FLT3: variants seen among roughly 807,000 people sequenced by gnomAD.
FLT3 encodes fms related receptor tyrosine kinase 3.
Under a neutral mutation model 126.6 loss-of-function variants are expected in FLT3, and 46 were observed. That is an observed-to-expected ratio of 0.36 (90% confidence interval 0.29 to 0.46). The LOEUF (loss-of-function observed/expected upper bound fraction) is 0.46, where lower values mean the gene tolerates loss of function less well. FLT3 is among the 20% of genes least tolerant of loss of function. The probability of loss-of-function intolerance (pLI) is 1.00; values close to 1 mark genes in which losing one functional copy is unlikely to be tolerated. For missense variants in FLT3, 1,069 were observed against 1,190.3 expected, an observed-to-expected ratio of 0.90 and a Z score of 1.50; for synonymous variants, 404 against 434.4, an observed-to-expected ratio of 0.93 and a Z score of 0.87.
chr13:28,081,025 T>C (rs1382807647), intron 1 of FLT3, among the ~76,000 whole-genome samples: 1 of 152,220 alleles, frequency 6.6e-6, no homozygotes, highest in East Asian at 1.9e-4. Context: ...CCACATTGTC[T>C]TGGTTACTAC....
intron 19 of FLT3, 30 bp downstream of exon 19, chr13:28,023,320 T>G: frequency 1.3e-6 from 2 of 1,585,738 alleles, no homozygotes; most frequent in Non-Finnish European, 1.7e-6. Context: ...ATCTTTTTTT[T>G]GGTTTGTTTT....
intron 3 of FLT3, among the ~76,000 whole-genome samples, chr13:28,058,233 G>A (rs1433880033): frequency 5.5e-5 from 5 of 90,530 alleles, no homozygotes; most frequent in Non-Finnish European, 1.3e-4. Flanking sequence ...AAAAAAAAAC[G>A]GCCAGGTACA....
Position 28,037,250 on chromosome 13 carries a change from T to A in FLT3, c.1244A>T (p.Glu415Val). 6.2e-7 allele frequency: 1 copy of A among 1,612,472 alleles called. No individual in the cohort carries two copies. Among genetic ancestry groups the A allele is most frequent in the Non-Finnish European group, 8.5e-7 (1 of 1,178,582 alleles). ...ATCATTTTCTGCATGGAATATATAT[T>A]CTCCTGGCTGGTGCTTATGATTGCA... Reference protein sequence around the residue: ...KFCNHKHQPGEYIFHAENDDA... With the variant: ...KFCNHKHQPGVYIFHAENDDA... Residue 415 changes from glutamate to valine, a missense_variant, in exon 10 of 24, where the codon GAA becomes GTA. Physicochemically the swap from Glu to Val is moderately radical, Grantham distance 121 (BLOSUM62 -2). Coordinates refer to ENST00000241453, the MANE Select transcript of FLT3 (RefSeq NM_004119.3).
At chr13:28,006,186 T>G (rs1442680652) in intron 23 of FLT3, among the ~76,000 whole-genome samples, 1 of 152,166 alleles carries the variant, frequency 6.6e-6, no homozygotes, top group East Asian at 1.9e-4. Flanking sequence ...TATTTAAATT[T>G]TATAGATTTG....
chr13:28,064,429 C>T (rs7331012), intron 2 of FLT3, among the ~76,000 whole-genome samples: 4,149 of 151,928 alleles, frequency 0.027, 178 homozygotes, highest in African/African-American at 0.094. Flanking sequence ...AAAAATTAGC[C>T]GAGTGTGGTG....
intron 3 of FLT3, among the ~76,000 whole-genome samples, chr13:28,059,361 G>A (rs1876328651): frequency 6.6e-6 from 1 of 152,148 alleles, no homozygotes; most frequent in Admixed American, 6.6e-5. Context: ...GCTGCGTTAA[G>A]AGGGCATTTA....
At chr13:28,006,212 C>T (rs373731745) in intron 23 of FLT3, among the ~76,000 whole-genome samples, 7 of 151,952 alleles carry the variant, frequency 4.6e-5, no homozygotes, top group Admixed American at 1.3e-4. Context: ...TTCCCACAGC[C>T]CTTGTTACTG....
intron 23 of FLT3, among the ~76,000 whole-genome samples, chr13:28,010,938 GGT>G (rs2137597472): frequency 6.6e-6 from 1 of 152,074 alleles, no homozygotes; most frequent in African/African-American, 2.4e-5. Context: ...AGGAGGTGAA[GGT>G]TGCAGTGAGC....
rs374798961 is a variant in FLT3 at position 28,027,064 on chromosome 13, C to G, written c.2207+24G>C. 18 of 1,606,062 alleles carry G rather than the reference C, an allele frequency of 1.1e-5. No individual in the cohort carries two copies. The Admixed American group carries it at 1.9e-4, about 17-fold the overall frequency. ...GCCTACGTTCTATGATGTGTAATTA[C>G]GAAACCCTGACCCAGCCTCTTACCT... is the stretch of plus-strand genomic sequence containing the variant. On this transcript the variant is annotated intron_variant, in intron 17 of 23. Coordinates refer to ENST00000241453, the MANE Select transcript of FLT3 (RefSeq NM_004119.3).
chr13:28,048,560 A>C (rs1305723673), intron 8 of FLT3, 117 bp from the exon 9 acceptor site: 1 of 709,408 alleles, frequency 1.4e-6, no homozygotes, highest in Non-Finnish European at 2.3e-6. Flanking sequence ...AAGTGTTGGC[A>C]TGCTGCAGGT....
intron 1 of FLT3, among the ~76,000 whole-genome samples, chr13:28,094,518 G>T (rs1016475039): frequency 5.3e-5 from 8 of 151,474 alleles, no homozygotes; most frequent in Non-Finnish European, 1.0e-4. Flanking sequence ...TCTTTTTTTA[G>T]AGATAGCATC....
chr13:28,097,246 GGAAGGAAA>G (rs1266291793), intron 1 of FLT3, among the ~76,000 whole-genome samples: 1 of 149,676 alleles, frequency 6.7e-6, no homozygotes, highest in Non-Finnish European at 1.5e-5. Context: ...AAGAAAGGAA[GGAAGGAAA>G]GAAGGAAGGA....
intron 2 of FLT3, 85 bp downstream of exon 2, chr13:28,070,406 A>G: frequency 8.6e-7 from 1 of 1,159,878 alleles, no homozygotes; most frequent in Non-Finnish European, 1.3e-6. Context: ...AGAGAAGCCC[A>G]TTTAGCCATG....
In FLT3 at chr13:28,048,424, A is replaced by G. The variant is rs1875098890; in HGVS notation, c.1056T>C (p.Ala352=). The G allele has an allele frequency of 6.2e-7, 1 of 1,605,388 alleles. No individual in the cohort carries two copies. Among genetic ancestry groups the G allele is most frequent in the South Asian group, 1.1e-5 (1 of 90,472 alleles). ...TTTCATAATCTTCACTTGAATTGGT[A>G]GCATTTATAAATCCCTTTTCTGTAA... is the stretch of plus-strand genomic sequence containing the variant. ...VTIVEKGFIN[A]TNSSEDYEID... is the part of the protein sequence containing the mutation. The change falls in exon 9 of 24, where the codon GCT becomes GCC. Residue 352 remains alanine (A), a synonymous_variant. Coordinates refer to ENST00000241453, the MANE Select transcript of FLT3 (RefSeq NM_004119.3).
Position 28,052,685 on chromosome 13 carries a change from A to G in FLT3, c.485-11T>C, listed in dbSNP as rs1038797371. The G allele has an allele frequency of 5.8e-6, 9 of 1,556,032 alleles. No individual in the cohort carries two copies. The highest frequency in any genetic ancestry group is 5.5e-5 in the African/African-American group (4 of 73,272). On this transcript the variant is annotated splice_polypyrimidine_tract_variant and intron_variant, in intron 4 of 23. Transcript: ENST00000241453. The stretch of plus-strand genomic sequence containing the variant: ...TGTAAAGCAGGGTATCTAAAGCATC[A>G]TAAGTTATTAACATTTTACTATTTT...
Position 28,035,530 on chromosome 13 carries a change from C to G in FLT3, c.1562G>C (p.Gly521Ala), listed in dbSNP as rs1404268220. 6.2e-7 allele frequency: 1 copy of G among 1,613,870 alleles called. No individual in the cohort carries two copies. The highest frequency in any genetic ancestry group is 2.2e-5 in the East Asian group (1 of 44,896). ...TAAAAGGATCGTCTCACAAGATGTG[C>G]CAAGGGAATTGTATGCACAGCACTT... is the stretch of plus-strand genomic sequence containing the variant. ...LVKCCAYNSL[G>A]TSCETILLNS... Residue 521 changes from glycine (G) to alanine (A), a missense_variant, in exon 12 of 24, where the codon GGC becomes GCC. By Grantham distance (60) the Gly-to-Ala change is moderately conservative. Transcript: ENST00000241453.
Position 28,052,674 on chromosome 13 carries a change from T to A in FLT3, c.485A>T (p.Asn162Ile). The change falls in exon 5 of 24, where the codon AAT becomes ATT. Residue 162 changes from asparagine to isoleucine, a missense_variant and splice_region_variant. Coordinates refer to ENST00000241453, the MANE Select transcript of FLT3 (RefSeq NM_004119.3). ...TCTTCTTAATGTGTAAAGCAGGGTATCTAAAGCATCATAAGTTATTAACAT... is the reference window on the plus strand; with the variant it reads ...TCTTCTTAATGTGTAAAGCAGGGTAACTAAAGCATCATAAGTTATTAACAT... ...YTILFTVSIR[N>I]TLLYTLRRPY... 1 of 1,589,678 alleles carries A rather than the reference T, an allele frequency of 6.3e-7. No homozygotes were observed. The highest frequency in any genetic ancestry group is 8.6e-7 in the Non-Finnish European group (1 of 1,160,600).
At chr13:28,081,286 TCTTA>T (rs1878285490) in intron 1 of FLT3, among the ~76,000 whole-genome samples, 1 of 106,486 alleles carries the variant, frequency 9.4e-6, no homozygotes, top group African/African-American at 2.7e-5. Flanking sequence ...TTTAATTAGA[TCTTA>T]CTTAATTTCT....
Position 28,052,699 on chromosome 13 carries a change from T to C in FLT3, c.485-25A>G, listed in dbSNP as rs1398905694. 8 of 1,488,410 alleles carry C rather than the reference T, an allele frequency of 5.4e-6. No individual in the cohort carries two copies. The East Asian group carries it at 1.8e-4, about 34-fold the overall frequency. The allele number at this position is 1,488,410 out of a possible 1,614,324, so 92.2% of individuals were successfully genotyped here. A position where few individuals can be genotyped will look rare whatever the true frequency, so the allele number is the denominator to read the frequency against. ...TCTAAAGCATCATAAGTTATTAACATTTTACTATTTTAAAAATAATTCTCT... is the reference window on the plus strand; with the variant it reads ...TCTAAAGCATCATAAGTTATTAACACTTTACTATTTTAAAAATAATTCTCT... On this transcript the variant is annotated intron_variant, in intron 4 of 23. Transcript: ENST00000241453.
Sources: gnomAD v4.1 joint callset for allele counts (sites outside exome capture counted in the v4.1 genomes callset) on GRCh38, gnomAD v4.1.1 for gene constraint, MANE v1.5 for transcripts, NCBI Gene and HGNC (gene_info 2026-07-23, HGNC 2026-07-21) for gene names.